Variants in STPG2 observed in about 807,000 individuals in gnomAD.
The protein encoded by STPG2 is sperm tail PG-rich repeat containing 2, also known as sperm-tail PG-rich repeat-containing protein 2.
Under a neutral mutation model 54.2 loss-of-function variants are expected in STPG2, and 56 were observed. The ratio of observed to expected loss-of-function variants is 1.03; its 90% CI spans 0.83 to 1.29. The LOEUF is 1.29. Ranked by LOEUF, STPG2 falls within the 50% of genes most tolerant of loss-of-function variation. The pLI, the probability that STPG2 is intolerant of heterozygous loss-of-function variation, is 0.00. For missense variants in STPG2, 596 were observed against 544.9 expected (o/e 1.09, Z -0.93); for synonymous variants, 200 against 181.8 (o/e 1.10, Z -0.81).
At chr4:98,014,947 C>A (rs892836784) in intron 5 of STPG2, among the ~76,000 whole-genome samples, 3 of 152,100 alleles carry the variant, frequency 2.0e-5, no homozygotes, top group Non-Finnish European at 4.4e-5. Context: ...TCCTGGCCTG[C>A]AAAGTTTCTG....
At chr4:97,552,025 T>C (rs1478762961) in intron 4 of STPG2, among the ~76,000 whole-genome samples, 1 of 152,184 alleles carries the variant, frequency 6.6e-6, no homozygotes, top group South Asian at 2.1e-4. Context: ...GGGTTGGAGA[T>C]TGGATTGTCT....
intron 5 of STPG2, among the ~76,000 whole-genome samples, chr4:98,017,359 C>T (rs1029654508): frequency 2.6e-5 from 4 of 152,214 alleles, no homozygotes; most frequent in African/African-American, 9.7e-5. Flanking sequence ...GCCAGGGTGA[C>T]CTGGTGCTAT....
In STPG2 at chr4:98,128,529, T is replaced by C. The variant is rs771653357; in HGVS notation, c.286A>G (p.Lys96Glu). The change falls in exon 3 of 11, where the codon AAG becomes GAG. Residue 96 changes from lysine to glutamate, a missense_variant. Lys to Glu is a moderately conservative substitution (Grantham distance 56, BLOSUM62 1). Transcript: ENST00000295268. ...TCATTAATATGATAACCATATGACT[T>C]TCCACAAGAAGGAATTGAAGGAACA... ...VDVPSIPSCG[K>E]SYGYHINDDG... 1.1e-5 allele frequency: 18 copies of C among 1,612,938 alleles called. No homozygotes were observed. The South Asian group carries it at 1.7e-4, about 15-fold the overall frequency.
intron 5 of STPG2, among the ~76,000 whole-genome samples, chr4:98,030,476 T>C (rs1206847538): frequency 6.6e-6 from 1 of 152,198 alleles, no homozygotes; most frequent in Non-Finnish European, 1.5e-5. Flanking sequence ...AATAAATTTA[T>C]AGACTCAATG....
In STPG2 at chr4:97,964,601, C is replaced by T. The variant is rs570872000; in HGVS notation, c.933+7679G>A. On this transcript the variant is annotated intron_variant, in intron 7 of 10. Transcript: ENST00000295268. The stretch of plus-strand genomic sequence containing the variant: ...ACTAATATCTAAATTATAAGAATCC[C>T]ACAAATATAATAAAATAAATAACAA... Among the ~76,000 whole-genome samples the T allele has an allele frequency of 2.0e-4, 30 of 152,038 alleles. 1 individual carries two copies. Among genetic ancestry groups the T allele is most frequent in the Middle Eastern group, 3.4e-3 (1 of 292 alleles).
chr4:97,832,700 C>T lies in STPG2; in HGVS notation c.1204+8073G>A, dbSNP rs563724732. 3.2e-3 allele frequency among the ~76,000 whole-genome samples: 490 copies of T among 152,254 alleles called. 2 individuals carry two copies. Among genetic ancestry groups the T allele is most frequent in the Admixed American group, 6.3e-3 (96 of 15,282 alleles). ...AAAATCAATGTGCAAAAATCATAAGCATTCCTATACACCAATAACAGACAA... is the reference window on the plus strand; with the variant it reads ...AAAATCAATGTGCAAAAATCATAAGTATTCCTATACACCAATAACAGACAA... On this transcript the variant is annotated intron_variant, in intron 9 of 10. Coordinates refer to ENST00000295268, the MANE Select transcript of STPG2 (RefSeq NM_174952.3).
chr4:97,612,607 A>C (rs150339280), intron 10 of STPG2, among the ~76,000 whole-genome samples: 5 of 152,168 alleles, frequency 3.3e-5, no homozygotes, highest in Admixed American at 3.3e-4. Context: ...CTCTGACCAT[A>C]CTGTGGCCAG....
intron 10 of STPG2, among the ~76,000 whole-genome samples, chr4:97,589,555 G>C (rs1336425972): frequency 1.3e-5 from 2 of 152,022 alleles, no homozygotes; most frequent in Non-Finnish European, 2.9e-5. Context: ...GTCAGGAGTT[G>C]GCAAGCTTTT....
intron 4 of STPG2, among the ~76,000 whole-genome samples, chr4:97,543,795 A>G (rs999031282): frequency 1.3e-5 from 2 of 152,112 alleles, no homozygotes; most frequent in African/African-American, 4.8e-5. Flanking sequence ...GAGAGCATAA[A>G]TAAAGGCTTT....
rs74742686 is a variant in STPG2, at chr4:98,115,749, T to C, written c.388-6444A>G. Among the ~76,000 whole-genome samples, 133 of 152,138 alleles carry C rather than the reference T, an allele frequency of 8.7e-4. 1 individual carries two copies. Among genetic ancestry groups the C allele is most frequent in the East Asian group, 4.4e-3 (23 of 5,194 alleles). On this transcript the variant is annotated intron_variant, in intron 3 of 10. Transcript: ENST00000295268. The stretch of plus-strand genomic sequence containing the variant: ...CAGATAAGATTTGAATTAACATTAT[T>C]ACAGTATCAATTTGGCAGTAGTTTG...
intron 4 of STPG2, among the ~76,000 whole-genome samples, chr4:97,530,345 G>A (rs570621957): frequency 4.6e-5 from 7 of 152,296 alleles, no homozygotes; most frequent in African/African-American, 1.7e-4. Flanking sequence ...GAAAGCAAAG[G>A]TTATGCTGTA....
intron 10 of STPG2, among the ~76,000 whole-genome samples, chr4:97,563,062 C>T (rs1732306184): frequency 6.6e-6 from 1 of 152,088 alleles, no homozygotes; most frequent in African/African-American, 2.4e-5. Flanking sequence ...GCTGTGAATC[C>T]ATCTGGTCCT....
At chr4:98,015,447 A>T (rs988496441) in intron 5 of STPG2, among the ~76,000 whole-genome samples, 1 of 152,246 alleles carries the variant, frequency 6.6e-6, no homozygotes, top group Non-Finnish European at 1.5e-5. Context: ...GCCAACAAAC[A>T]TAGGAAAAAA....
chr4:97,869,756 C>G (rs1217966660), intron 8 of STPG2, among the ~76,000 whole-genome samples: 1 of 151,554 alleles, frequency 6.6e-6, no homozygotes, highest in East Asian at 1.9e-4. Flanking sequence ...CAAAAAGAAG[C>G]TAATGAAGTA....
chr4:98,123,146 T>C (rs1482926750), intron 3 of STPG2, among the ~76,000 whole-genome samples: 1 of 152,080 alleles, frequency 6.6e-6, no homozygotes. Context: ...AAAAATAGCT[T>C]CTGGGTTCAT....
chr4:97,537,282 C>T lies in STPG2; in HGVS notation c.462+175417G>A, dbSNP rs187733119. Among the ~76,000 whole-genome samples the T allele has an allele frequency of 4.1e-3, 631 of 152,268 alleles. 3 individuals are homozygous for T. Among genetic ancestry groups the T allele is most frequent in the South Asian group, 0.02 (98 of 4,826 alleles). On this transcript the variant is annotated intron_variant, in intron 4 of 4. Transcript: ENST00000522676. ...CCGGGAAGCACAAGGGGTCAGGGAA[C>T]TCCCTTTCATAGCCAAGCAAAGCTG...
chr4:97,904,445 C>G (rs539870768), intron 8 of STPG2, among the ~76,000 whole-genome samples: 1 of 152,190 alleles, frequency 6.6e-6, no homozygotes, highest in South Asian at 2.1e-4. Flanking sequence ...ACACCAAAAA[C>G]CCATCTGTAC....
chr4:98,141,612 TG>T (rs1287102187), intron 1 of STPG2, among the ~76,000 whole-genome samples: 1 of 152,170 alleles, frequency 6.6e-6, no homozygotes, highest in African/African-American at 2.4e-5. Flanking sequence ...ACAAAGCCAA[TG>T]TATTTATTAA....
At chr4:97,802,989 A>G (rs1416968729) in intron 9 of STPG2, among the ~76,000 whole-genome samples, 1 of 152,114 alleles carries the variant, frequency 6.6e-6, no homozygotes, top group Non-Finnish European at 1.5e-5. Context: ...TTCAACTAAC[A>G]ATCTGACTCA....
Sources: allele counts gnomAD v4.1 joint callset (sites outside exome capture counted in the v4.1 genomes callset), GRCh38; gene constraint gnomAD v4.1.1; transcripts MANE v1.5; gene names NCBI Gene and HGNC (gene_info 2026-07-23, HGNC 2026-07-21).